The following SGCZ variants were observed in gnomAD, a reference collection of about 807,000 sequenced individuals.
SGCZ encodes zeta-sarcoglycan.
Under a neutral mutation model 41.3 loss-of-function variants are expected in SGCZ, and 40 were observed. The ratio of observed to expected loss-of-function variants is 0.97; its 90% CI spans 0.75 to 1.26. The LOEUF (loss-of-function observed/expected upper bound fraction) is 1.26, where lower values mean the gene tolerates loss of function less well. Among genes scored for constraint, SGCZ ranks in the 50% most tolerant of loss-of-function variants. The pLI is 0.00. For missense variants in SGCZ, 552 were observed against 369.8 expected (o/e 1.49, Z -4.04); for synonymous variants, 206 against 137.5 (o/e 1.50, Z -3.49).
chr8:14,823,010 C>T (rs902706523), intron 1 of SGCZ, among the ~76,000 whole-genome samples: 9 of 145,852 alleles, frequency 6.2e-5, no homozygotes, highest in Non-Finnish European at 8.9e-5. Flanking sequence ...GCCAAGATCG[C>T]GCCACTGCAC....
chr8:14,767,833 A>C (rs984016313), intron 1 of SGCZ, among the ~76,000 whole-genome samples: 7 of 152,188 alleles, frequency 4.6e-5, no homozygotes, highest in Non-Finnish European at 4.4e-5. Flanking sequence ...GCAGAGACTC[A>C]ATTTAATTCA....
In SGCZ at chr8:14,149,812, T is replaced by G. The variant is rs376729451; in HGVS notation, c.547+14768A>C. 9.2e-5 allele frequency among the ~76,000 whole-genome samples: 14 copies of G among 152,036 alleles called. No individual in the cohort carries two copies. In the East Asian group the frequency reaches 1.2e-3, roughly 13 times the overall value. ...CTACAGCAACAAAAGTAGCATGGTA[T>G]TCTCATAAAAACAGACACATAGACA... On this transcript the variant is annotated intron_variant, in intron 5 of 7. Transcript: ENST00000382080.
chr8:14,360,805 C>T (rs1298057068), intron 2 of SGCZ, among the ~76,000 whole-genome samples: 1 of 152,060 alleles, frequency 6.6e-6, no homozygotes, highest in Non-Finnish European at 1.5e-5. Flanking sequence ...TATTACTCTG[C>T]CATAAATGCC....
intron 1 of SGCZ, among the ~76,000 whole-genome samples, chr8:14,978,307 A>C (rs1190532512): frequency 6.7e-6 from 1 of 148,420 alleles, no homozygotes; most frequent in Non-Finnish European, 1.5e-5. Flanking sequence ...GCCTCTAATA[A>C]AAATACAAAA....
chr8:14,162,089 A>G (rs1804064662), intron 5 of SGCZ, among the ~76,000 whole-genome samples: 2 of 152,192 alleles, frequency 1.3e-5, no homozygotes, highest in Admixed American at 6.5e-5. Context: ...TCCAAGCAAC[A>G]TTTCAAGGAT....
chr8:14,751,637 G>A (rs999235002), intron 1 of SGCZ, among the ~76,000 whole-genome samples: 1 of 152,012 alleles, frequency 6.6e-6, no homozygotes, highest in Non-Finnish European at 1.5e-5. Context: ...GTTTTAATAC[G>A]GGCCTAGCAT....
intron 1 of SGCZ, among the ~76,000 whole-genome samples, chr8:15,176,988 G>A (rs548143115): frequency 3.3e-5 from 5 of 152,194 alleles, no homozygotes; most frequent in African/African-American, 7.2e-5. Flanking sequence ...GCAACAGAGC[G>A]AGACTTTGTT....
At chr8:15,050,111 G>A (rs1227963820) in intron 1 of SGCZ, among the ~76,000 whole-genome samples, 1 of 152,114 alleles carries the variant, frequency 6.6e-6, no homozygotes, top group Non-Finnish European at 1.5e-5. Flanking sequence ...GCACACATAT[G>A]ATGAAATGAA....
intron 1 of SGCZ, among the ~76,000 whole-genome samples, chr8:14,887,603 C>T (rs1804858154): frequency 6.6e-6 from 1 of 152,074 alleles, no homozygotes; most frequent in South Asian, 2.1e-4. Context: ...TACATAAACA[C>T]ACATACACAA....
intron 4 of SGCZ, among the ~76,000 whole-genome samples, chr8:14,205,799 AATT>A (rs1219109445): frequency 6.6e-6 from 1 of 152,148 alleles, no homozygotes; most frequent in Non-Finnish European, 1.5e-5. Flanking sequence ...TTTTAAAAAT[AATT>A]ATTCTATTTG....
chr8:14,549,216 A>G (rs1803724088), intron 2 of SGCZ, among the ~76,000 whole-genome samples: 1 of 152,060 alleles, frequency 6.6e-6, no homozygotes, highest in African/African-American at 2.4e-5. Flanking sequence ...TGAGGAAGTC[A>G]GACAGAGCTA....
chr8:14,291,455 C>T (rs1484766991), intron 3 of SGCZ, among the ~76,000 whole-genome samples: 1 of 151,782 alleles, frequency 6.6e-6, no homozygotes, highest in Non-Finnish European at 1.5e-5. Context: ...AATCAATTGA[C>T]CCTAGATTGC....
At chr8:14,287,076 T>A (rs1294704783) in intron 3 of SGCZ, among the ~76,000 whole-genome samples, 1 of 151,994 alleles carries the variant, frequency 6.6e-6, no homozygotes, top group African/African-American at 2.4e-5. Flanking sequence ...TATGCTTTCT[T>A]ACAAATACAT....
rs78596306 is a variant in SGCZ, at chr8:14,548,822, A to T, written c.234+5910T>A. Among the ~76,000 whole-genome samples the T allele has an allele frequency of 2.4e-3, 366 of 152,246 alleles. 2 individuals are homozygous for T. The highest frequency in any genetic ancestry group is 8.4e-3 in the African/African-American group (348 of 41,560). ...GCATATGAGACCAAATTGGGTCAAC[A>T]ATTTTCTCAAGAAATTGTTCTATTC... On this transcript the variant is annotated intron_variant, in intron 2 of 7. Transcript: ENST00000382080.
chr8:15,032,245 A>C (rs1803701089), intron 1 of SGCZ, among the ~76,000 whole-genome samples: 1 of 152,216 alleles, frequency 6.6e-6, no homozygotes, highest in Non-Finnish European at 1.5e-5. Context: ...GCAAAAGCTA[A>C]GGAAACCAAG....
At chr8:14,663,274 T>C (rs1807812999) in intron 1 of SGCZ, among the ~76,000 whole-genome samples, 1 of 152,208 alleles carries the variant, frequency 6.6e-6, no homozygotes, top group Non-Finnish European at 1.5e-5. Flanking sequence ...CCTAGCACAT[T>C]ATTAGCATCC....
In SGCZ at chr8:14,120,524, C is replaced by T. The variant is rs1018305359; in HGVS notation, c.548-12289G>A. On this transcript the variant is annotated intron_variant, in intron 5 of 7. Coordinates refer to ENST00000382080, the MANE Select transcript of SGCZ (RefSeq NM_139167.4). ...TTTGGCTAGAATCACCACTTTAATT[C>T]AACTCTATACTATATATAGTTCTTG... Among the ~76,000 whole-genome samples the T allele has an allele frequency of 4.6e-5, 7 of 151,984 alleles. No homozygotes were observed. In the South Asian group the frequency reaches 1.2e-3, roughly 27 times the overall value.
chr8:15,146,341 T>A (rs561537014), intron 1 of SGCZ, among the ~76,000 whole-genome samples: 1 of 152,320 alleles, frequency 6.6e-6, no homozygotes, highest in South Asian at 2.1e-4. Flanking sequence ...TAAATTCTAA[T>A]CAATTATTTG....
intron 1 of SGCZ, among the ~76,000 whole-genome samples, chr8:14,613,885 A>T (rs775291841): frequency 6.6e-6 from 1 of 152,206 alleles, no homozygotes; most frequent in Non-Finnish European, 1.5e-5. Context: ...CAAAACCAGT[A>T]AAAAGTACAA....
Sources: gnomAD v4.1 joint callset for allele counts (sites outside exome capture counted in the v4.1 genomes callset) on GRCh38, gnomAD v4.1.1 for gene constraint, MANE v1.5 for transcripts, NCBI Gene and HGNC (gene_info 2026-07-23, HGNC 2026-07-21) for gene names.